The following CDHR1 variants were observed in gnomAD, a reference collection of about 807,000 sequenced individuals.
CDHR1 encodes the protein cadherin-related family member 1.
Under a neutral mutation model 72.1 loss-of-function variants are expected in CDHR1, and 61 were observed. The ratio of observed to expected loss-of-function variants is 0.85; its 90% confidence interval spans 0.69 to 1.05. The LOEUF is 1.05. Ranked by LOEUF, CDHR1 falls within the 50% of genes least tolerant of loss-of-function variation. The pLI, the probability that CDHR1 is intolerant of heterozygous loss-of-function variation, is 0.00. For synonymous variants in CDHR1, 470 were observed against 448.1 expected, an observed-to-expected ratio of 1.05 and a Z score of -0.62; for missense variants, 1,186 against 1,115.7, an observed-to-expected ratio of 1.06 and a Z score of -0.90.
Position 84,215,821 on chromosome 10 carries a change from C to A in CDHR1, c.*1200C>A, listed in dbSNP as rs943658828. 1.0e-6 allele frequency: 1 copy of A among 985,428 alleles called. No individual in the cohort carries two copies. Among genetic ancestry groups the A allele is most frequent in the Non-Finnish European group, 1.2e-6 (1 of 830,038 alleles). 61.0% of individuals were successfully genotyped at this position (985,428 alleles called of 1,614,324 possible). A position where few individuals can be genotyped will look rare whatever the true frequency, so the allele number is the denominator to read the frequency against. ...GGGCTACCACTGGATGATGGCATTGCCGTGACTCACACACCTCTACTTCTG... is the reference window on the plus strand; with the variant it reads ...GGGCTACCACTGGATGATGGCATTGACGTGACTCACACACCTCTACTTCTG... On this transcript the variant is annotated 3_prime_UTR_variant, in exon 17 of 17. Transcript: ENST00000623527.
rs1842427562 is a variant in CDHR1, at chr10:84,216,457, A to G, written c.*1836A>G. 1.0e-6 allele frequency: 1 copy of G among 985,400 alleles called. No individual in the cohort carries two copies. Among genetic ancestry groups the G allele is most frequent in the Admixed American group, 6.1e-5 (1 of 16,276 alleles). The allele number at this position is 985,400 out of a possible 1,614,324, so 61.0% of individuals were successfully genotyped here. ...CATGCTTGCCCTCCACAGGGAATACAGCATCCTTACAGCTTGCATGCAATC... is the reference window on the plus strand; with the variant it reads ...CATGCTTGCCCTCCACAGGGAATACGGCATCCTTACAGCTTGCATGCAATC... On this transcript the variant is annotated 3_prime_UTR_variant, in exon 17 of 17. Coordinates refer to ENST00000623527, the MANE Select transcript of CDHR1 (RefSeq NM_033100.4).
chr10:84,212,378 A>C lies in CDHR1; in HGVS notation c.1753A>C (p.Met585Leu). ...QFGKSVQKKTMVLGTPVKIEA... is the reference protein window; with the variant it reads ...QFGKSVQKKTLVLGTPVKIEA... The stretch of plus-strand genomic sequence containing the variant: ...TGGAAAGAGCGTTCAGAAGAAGACG[A>C]TGGTGCTAGGGACCCCAGTGAAAAT... The change falls in exon 15 of 17, where the codon ATG becomes CTG. Residue 585 changes from methionine to leucine, a missense_variant. Met to Leu is a conservative substitution (Grantham distance 15). Transcript: ENST00000623527. The C allele has an allele frequency of 6.2e-7, 1 of 1,614,204 alleles. No homozygotes were observed. The highest frequency in any genetic ancestry group is 1.1e-5 in the South Asian group (1 of 91,088).
chr10:84,219,280 G>C (rs965437722), downstream of CDHR1: 16 of 1,549,468 alleles, frequency 1.0e-5, no homozygotes, highest in Non-Finnish European at 1.2e-5. Flanking sequence ...ATCTTAAAAA[G>C]TATCAGATTC....
intron 15 of CDHR1, 78 bp downstream of exon 15, chr10:84,212,485 C>A: frequency 7.7e-7 from 1 of 1,291,302 alleles, no homozygotes; most frequent in South Asian, 1.2e-5. Context: ...ATAAGAATTT[C>A]ATTGAAGATA....
chr10:84,199,808 G>A (rs889703318), intron 5 of CDHR1, among the ~76,000 whole-genome samples: 63 of 152,310 alleles, frequency 4.1e-4, no homozygotes, highest in African/African-American at 1.5e-3. Context: ...GCACCTGTTT[G>A]CTCCCTCCTG....
In CDHR1 at chr10:84,217,334, G is replaced by A; in HGVS notation, c.*2713G>A. ...TCCTGGCCCTGAGAATGGAGCTGTA[G>A]CCTCATGGACAATAAATGGATGTGA... On this transcript the variant is annotated 3_prime_UTR_variant, in exon 17 of 17. Coordinates refer to ENST00000623527, the MANE Select transcript of CDHR1 (RefSeq NM_033100.4). 2.0e-6 allele frequency: 2 copies of A among 985,284 alleles called. No individual in the cohort carries two copies. The highest frequency in any genetic ancestry group is 9.4e-5 in the South Asian group (2 of 21,270). 61.0% of individuals were successfully genotyped at this position (985,284 alleles called of 1,614,324 possible).
intron 8 of CDHR1, among the ~76,000 whole-genome samples, 186 bp downstream of exon 8, chr10:84,203,309 G>A (rs946255697): frequency 1.3e-5 from 2 of 152,188 alleles, no homozygotes; most frequent in Admixed American, 1.3e-4. Flanking sequence ...ACTAGACCAT[G>A]AGCTCCCCAT....
chr10:84,204,879 C>T (rs1842196748), intron 9 of CDHR1, among the ~76,000 whole-genome samples: 2 of 152,214 alleles, frequency 1.3e-5, no homozygotes, highest in Admixed American at 1.3e-4. Flanking sequence ...TGGGTATTTG[C>T]TCCTTGATGG....
chr10:84,212,941 A>G (rs1842361599), intron 15 of CDHR1, 150 bp from the exon 16 acceptor site: 1 of 985,392 alleles, frequency 1.0e-6, no homozygotes, highest in East Asian at 2.5e-5. Flanking sequence ...GAGAGCATGC[A>G]TTCTGTTCCT....
At chr10:84,219,476 T>G (rs4933980), downstream of CDHR1, 1 of 827,252 alleles carries the variant, frequency 1.2e-6, no homozygotes, top group Admixed American at 3.5e-5. Flanking sequence ...TTTGCTTGGC[T>G]TGAAGGTCTG....
rs749080929 is a variant in CDHR1 at position 84,214,563 on chromosome 10, T to G, written c.2522T>G (p.Ile841Ser). ...GGAAGCCCCGTCCAGTCAACTCTGA[T>G]CTCTGAGCTCAAGCAAAAGTTTGAG... ...TMGSPVQSTL[I>S]SELKQKFEKK... Residue 841 changes from isoleucine to serine, a missense_variant, in exon 17 of 17, where the codon ATC becomes AGC. Coordinates refer to ENST00000623527, the MANE Select transcript of CDHR1 (RefSeq NM_033100.4). The G allele has an allele frequency of 6.2e-7, 1 of 1,600,782 alleles. No homozygotes were observed. Among genetic ancestry groups the G allele is most frequent in the Admixed American group, 1.7e-5 (1 of 60,004 alleles).
chr10:84,195,499 G>A lies in CDHR1; in HGVS notation c.61G>A (p.Ala21Thr). The A allele has an allele frequency of 6.2e-7, 1 of 1,613,896 alleles. No homozygotes were observed. Among genetic ancestry groups the A allele is most frequent in the Non-Finnish European group, 8.5e-7 (1 of 1,179,874 alleles). The stretch of plus-strand genomic sequence containing the variant: ...GTTCTGTGTTCTTTTTCCAGCTCAG[G>A]CCAACTTCGCCCCGCACTTCTTCGA... ...LGLLRLCLAQ[A>T]NFAPHFFDNG... The change falls in exon 2 of 17, where the codon GCC becomes ACC. Residue 21 changes from alanine (A) to threonine (T), a missense_variant. Transcript: ENST00000623527.
In CDHR1 at chr10:84,204,602, A is replaced by T. The variant is rs1308908705; in HGVS notation, c.859A>T (p.Asn287Tyr). The change falls in exon 9 of 17, where the codon AAT (asparagine) becomes TAT (tyrosine). Residue 287 changes from asparagine to tyrosine, a missense_variant. Transcript: ENST00000623527. ...CAATCGAATTCTCTACAGCCTTGTA[A>T]ATGGTGAGTCTGAGCAGCTTTGGGG... ...KPNRILYSLV[N>Y]GNDGAFEINE... 1 of 1,611,616 alleles carries T rather than the reference A, an allele frequency of 6.2e-7. No individual in the cohort carries two copies. Among genetic ancestry groups the T allele is most frequent in the Middle Eastern group, 1.7e-4 (1 of 6,058 alleles).
chr10:84,219,488 A>C (rs1000908975), downstream of CDHR1: 2 of 667,066 alleles, frequency 3.0e-6, no homozygotes, highest in African/African-American at 3.7e-5. Context: ...GAAGGTCTGA[A>C]CATCCACTCT....
chr10:84,209,429 A>G (rs1438799233), intron 12 of CDHR1, among the ~76,000 whole-genome samples: 1 of 152,210 alleles, frequency 6.6e-6, no homozygotes, highest in African/African-American at 2.4e-5. Context: ...ATCATGCTTA[A>G]AAGTGAAATA....
chr10:84,194,804 G>A lies in CDHR1; in HGVS notation c.44G>A (p.Arg15His). 1 of 1,532,480 alleles carries A rather than the reference G, an allele frequency of 6.5e-7. No individual in the cohort carries two copies. The highest frequency in any genetic ancestry group is 2.5e-5 in the East Asian group (1 of 40,816). 94.9% of individuals were successfully genotyped at this position (1,532,480 alleles called of 1,614,324 possible). Residue 15 changes from arginine to histidine, a missense_variant, in exon 1 of 17, where the codon CGC (arginine) becomes CAC (histidine). Coordinates refer to ENST00000623527, the MANE Select transcript of CDHR1 (RefSeq NM_033100.4). Reference protein sequence around the residue: ...RWAALALGLLRLCLAQANFAP... With the variant: ...RWAALALGLLHLCLAQANFAP... ...GCCGCCCTGGCCCTGGGGCTGCTGC[G>A]CCTCTGCTTGGGTGAGTGGCCGCTG...
chr10:84,204,277 TG>T (rs930475224), intron 8 of CDHR1, among the ~76,000 whole-genome samples: 6 of 152,088 alleles, frequency 3.9e-5, no homozygotes, highest in African/African-American at 7.2e-5. Flanking sequence ...TGAGAATCCC[TG>T]GGCAGCACAG....
Position 84,210,147 on chromosome 10 carries a change from G to A in CDHR1, c.1321-854G>A, listed in dbSNP as rs532542138. 3.9e-5 allele frequency among the ~76,000 whole-genome samples: 6 copies of A among 152,334 alleles called. No homozygotes were observed. In the East Asian group the frequency reaches 9.6e-4, roughly 24 times the overall value. ...AGATGGGAGGATGGCTTGAGCCTGGGAGGCAGACGTTGCAGTGAGCTGAGA... is the reference window on the plus strand; with the variant it reads ...AGATGGGAGGATGGCTTGAGCCTGGAAGGCAGACGTTGCAGTGAGCTGAGA... On this transcript the variant is annotated intron_variant, in intron 12 of 16. Coordinates refer to ENST00000623527, the MANE Select transcript of CDHR1 (RefSeq NM_033100.4).
chr10:84,201,831 G>T lies in CDHR1; in HGVS notation c.550G>T (p.Asp184Tyr), dbSNP rs956854277. Reference protein sequence around the residue: ...LQNLHSPFAVDRHSGVLRLQA... With the variant: ...LQNLHSPFAVYRHSGVLRLQA... Reference sequence around the variant, plus strand: ...GAACCTGCACTCCCCATTTGCCGTGGACCGCCACAGCGGTGTGCTGCGCCT... The same window carrying T: ...GAACCTGCACTCCCCATTTGCCGTGTACCGCCACAGCGGTGTGCTGCGCCT... The change falls in exon 7 of 17, where the codon GAC (aspartate) becomes TAC (tyrosine). Residue 184 changes from aspartate (D) to tyrosine (Y), a missense_variant. Transcript: ENST00000623527. 2.5e-6 allele frequency: 4 copies of T among 1,610,336 alleles called. No individual in the cohort carries two copies. In the African/African-American group the frequency reaches 5.3e-5, roughly 21 times the overall value.
Sources: allele counts gnomAD v4.1 joint callset (sites outside exome capture counted in the v4.1 genomes callset), GRCh38; gene constraint gnomAD v4.1.1; transcripts MANE v1.5; gene names NCBI Gene and HGNC (gene_info 2026-07-23, HGNC 2026-07-21).